XPO4: variants seen among roughly 807,000 people sequenced by gnomAD.
XPO4 encodes exportin-4.
XPO4 carries 39 observed loss-of-function variants against 143.0 expected under a neutral mutation model. The ratio of observed to expected loss-of-function variants is 0.27; its 90% confidence interval spans 0.21 to 0.36. The LOEUF is 0.36. Among genes scored for constraint, XPO4 ranks in the 10% least tolerant of loss-of-function variants. XPO4 has a pLI of 1.00. For synonymous variants in XPO4, 439 were observed against 474.0 expected, an observed-to-expected ratio of 0.93 and a Z score of 0.96; for missense variants, 907 against 1,348.0, an observed-to-expected ratio of 0.67 and a Z score of 5.12.
At position 20,822,427 on chromosome 13, in the gene XPO4, A is replaced by G. The variant is rs139801438; in HGVS notation, c.841-138T>C. 547 of 749,306 alleles carry G rather than the reference A, an allele frequency of 7.3e-4. 3 individuals are homozygous for G. The African/African-American group carries it at 8.8e-3, about 12-fold the overall frequency. 46.4% of individuals were successfully genotyped at this position (749,306 alleles called of 1,614,324 possible). ...AAAATTAATTCCTGAATTAAACTAAATTGAAAATTGTCCCTCAGTCCACTT... is the reference window on the plus strand; with the variant it reads ...AAAATTAATTCCTGAATTAAACTAAGTTGAAAATTGTCCCTCAGTCCACTT... On this transcript the variant is annotated intron_variant, in intron 7 of 22. Coordinates refer to ENST00000255305, the MANE Select transcript of XPO4 (RefSeq NM_022459.5).
At chr13:20,832,021 C>G (rs1267424520) in intron 6 of XPO4, among the ~76,000 whole-genome samples, 1 of 152,012 alleles carries the variant, frequency 6.6e-6, no homozygotes, top group East Asian at 1.9e-4. Context: ...TTCCCTGCCC[C>G]CTCTCCCACA....
intron 18 of XPO4, among the ~76,000 whole-genome samples, chr13:20,795,311 A>C (rs980666954): frequency 6.6e-6 from 1 of 152,222 alleles, no homozygotes; most frequent in African/African-American, 2.4e-5. Context: ...CTATACACAT[A>C]TATGAGGTTT....
At chr13:20,789,330 C>A (rs2059246173) in intron 19 of XPO4, among the ~76,000 whole-genome samples, 1 of 151,790 alleles carries the variant, frequency 6.6e-6, no homozygotes, top group Non-Finnish European at 1.5e-5. Flanking sequence ...TCCTGCTATG[C>A]TGGCAATCAA....
intron 1 of XPO4, among the ~76,000 whole-genome samples, chr13:20,869,842 T>C (rs1409634174): frequency 6.6e-6 from 1 of 152,190 alleles, no homozygotes; most frequent in East Asian, 1.9e-4. Context: ...CAGTCGCTCA[T>C]GCCTGTAATC....
In XPO4 at chr13:20,896,435, T is replaced by C. The variant is rs61954215; in HGVS notation, c.69+6235A>G. Reference sequence around the variant, plus strand: ...TCTGCAAATAAGCTGTATCATGTTCTTCACAAAAATGGTGCATGTTTCTTA... The same window carrying C: ...TCTGCAAATAAGCTGTATCATGTTCCTCACAAAAATGGTGCATGTTTCTTA... On this transcript the variant is annotated intron_variant, in intron 1 of 22. Transcript: ENST00000255305. 2.0e-3 allele frequency among the ~76,000 whole-genome samples: 304 copies of C among 152,334 alleles called. 1 individual carries two copies. Among genetic ancestry groups the C allele is most frequent in the South Asian group, 7.5e-3 (36 of 4,832 alleles).
intron 1 of XPO4, among the ~76,000 whole-genome samples, chr13:20,874,993 CA>C (rs34206891): frequency 4.0e-5 from 6 of 149,918 alleles, no homozygotes; most frequent in Non-Finnish European, 8.9e-5. Flanking sequence ...GACTCCGTCT[CA>C]AAAAAAAAAT....
intron 1 of XPO4, among the ~76,000 whole-genome samples, chr13:20,898,263 G>C (rs922578538): frequency 4.1e-4 from 62 of 151,962 alleles, no homozygotes; most frequent in African/African-American, 1.5e-3. Flanking sequence ...ATCCATCCTG[G>C]TTTAAAAACA....
intron 17 of XPO4, among the ~76,000 whole-genome samples, 198 bp downstream of exon 17, chr13:20,796,566 T>TA (rs574069077): frequency 6.6e-5 from 10 of 150,642 alleles, no homozygotes; most frequent in African/African-American, 1.9e-4. Context: ...TAGAAGAAAT[T>TA]AAAAAAAAAA....
intron 6 of XPO4, among the ~76,000 whole-genome samples, chr13:20,839,624 G>T (rs1036873322): frequency 1.3e-5 from 2 of 152,104 alleles, no homozygotes; most frequent in Non-Finnish European, 2.9e-5. Context: ...ATCACTTGAA[G>T]CCAGGAGTTC....
chr13:20,786,905 C>G (rs2059213587), intron 22 of XPO4, 60 bp downstream of exon 22: 3 of 1,428,516 alleles, frequency 2.1e-6, no homozygotes, highest in Non-Finnish European at 2.8e-6. Flanking sequence ...CCATCTATCT[C>G]AACAATCTCT....
chr13:20,808,368 G>A, intron 12 of XPO4, 68 bp downstream of exon 12: 1 of 1,416,274 alleles, frequency 7.1e-7, no homozygotes, highest in South Asian at 1.8e-5. Flanking sequence ...TTTTCATATA[G>A]GAAGCTTCTT....
At chr13:20,822,042 G>A (rs912387710) in intron 8 of XPO4, 90 bp downstream of exon 8, 17 of 1,455,488 alleles carry the variant, frequency 1.2e-5, no homozygotes, top group Non-Finnish European at 1.5e-5. Context: ...AAATATAAGG[G>A]GGAAAAAATA....
chr13:20,816,086 T>C (rs2059646869), intron 9 of XPO4, among the ~76,000 whole-genome samples: 1 of 152,232 alleles, frequency 6.6e-6, no homozygotes, highest in Non-Finnish European at 1.5e-5. Flanking sequence ...AACATAAAAC[T>C]AGTACTTTAT....
At chr13:20,804,958 T>A (rs200911883) in intron 13 of XPO4, among the ~76,000 whole-genome samples, 1 of 151,862 alleles carries the variant, frequency 6.6e-6, no homozygotes, top group East Asian at 1.9e-4. Flanking sequence ...TTTGTTTTTT[T>A]TTTTGAGACA....
chr13:20,807,483 C>A lies in XPO4; in HGVS notation c.1791G>T (p.Gly597=), dbSNP rs376196003. The A allele has an allele frequency of 5.0e-6, 8 of 1,613,370 alleles. No individual in the cohort carries two copies. Among genetic ancestry groups the A allele is most frequent in the Non-Finnish European group, 6.8e-6 (8 of 1,179,808 alleles). ...SPGEKASSIP[G]YNRTDSVIRL... ...TAATCACAGAATCTGTTCTGTTGTA[C>A]CCTGGGATGGAAGAAGCCTTTTCTC... Residue 597 remains glycine (G), a synonymous_variant, in exon 13 of 23, where the codon GGG becomes GGT. Coordinates refer to ENST00000255305, the MANE Select transcript of XPO4 (RefSeq NM_022459.5).
At chr13:20,861,734 T>TA (rs1391593284) in intron 3 of XPO4, among the ~76,000 whole-genome samples, 10 of 151,596 alleles carry the variant, frequency 6.6e-5, no homozygotes, top group Admixed American at 3.9e-4. Context: ...GGAAGCTACT[T>TA]AAAGATTTTG....
At chr13:20,806,923 A>G (rs1383627897) in intron 13 of XPO4, among the ~76,000 whole-genome samples, 1 of 152,114 alleles carries the variant, frequency 6.6e-6, no homozygotes, top group African/African-American at 2.4e-5. Flanking sequence ...TGCCATTAGT[A>G]TTAGGAAGAT....
rs2059167218 is a variant in XPO4 at position 20,783,770 on chromosome 13, A to T, written c.3408T>A (p.Ser1136Arg). The change falls in exon 23 of 23, where the codon AGT becomes AGA. Residue 1136 changes from serine to arginine, a missense_variant. Coordinates refer to ENST00000255305, the MANE Select transcript of XPO4 (RefSeq NM_022459.5). ...CAACATTTGCCATAAATTCTTCTAA[A>T]CTCTTTAAGAAGGCCATCTTCTGCT... ...DRKQKMAFLK[S>R]LEEFMANVGG... is the part of the protein sequence containing the mutation. The T allele has an allele frequency of 1.2e-6, 2 of 1,614,008 alleles. No individual in the cohort carries two copies. Among genetic ancestry groups the T allele is most frequent in the South Asian group, 1.1e-5 (1 of 91,082 alleles).
intron 21 of XPO4, 81 bp downstream of exon 21, chr13:20,787,400 C>A: frequency 7.6e-7 from 1 of 1,322,928 alleles, no homozygotes; most frequent in Non-Finnish European, 1.1e-6. Context: ...GAAGCATTTC[C>A]TCATTTGAAT....
Sources: allele counts gnomAD v4.1 joint callset (sites outside exome capture counted in the v4.1 genomes callset), GRCh38; gene constraint gnomAD v4.1.1; transcripts MANE v1.5; gene names NCBI Gene and HGNC (gene_info 2026-07-23, HGNC 2026-07-21).